Variants in LYPLAL1 observed in about 807,000 individuals in gnomAD.
LYPLAL1 encodes lysophospholipase like 1.
In LYPLAL1, 23 loss-of-function variants were observed where a neutral mutation model predicts 19.7. The ratio of observed to expected loss-of-function variants is 1.17; its 90% CI spans 0.84 to 1.65. The LOEUF (loss-of-function observed/expected upper bound fraction) is 1.65, where lower values mean the gene tolerates loss of function less well. Among genes scored for constraint, LYPLAL1 ranks in the 40% most tolerant of loss-of-function variants. The pLI is 0.00. For missense variants in LYPLAL1, 355 were observed against 279.4 expected (o/e 1.27, Z -1.93); for synonymous variants, 119 against 96.3 (o/e 1.24, Z -1.38).
At chr1:219,353,174 C>T in the LYPLAL1 span, among the ~76,000 whole-genome samples, 1 of 152,138 alleles carries the variant, frequency 6.6e-6, no homozygotes, top group African/African-American at 2.4e-5. Flanking sequence ...GATCCTGGCA[C>T]AGGAAGGAGC....
At chr1:219,356,392 T>G in the LYPLAL1 span, among the ~76,000 whole-genome samples, 30,771 of 151,956 alleles carry the variant, frequency 0.2, 3,663 homozygotes, top group Admixed American at 0.31. Flanking sequence ...CCCAGCTACT[T>G]GGGAGGCTGA....
At chr1:219,379,672 AT>A in the LYPLAL1 span, among the ~76,000 whole-genome samples, 1 of 152,236 alleles carries the variant, frequency 6.6e-6, no homozygotes, top group Admixed American at 6.5e-5. Context: ...GAAAGAAAAA[AT>A]AATAATATTA....
At chr1:219,399,124 G>T in the LYPLAL1 span, among the ~76,000 whole-genome samples, 1 of 152,190 alleles carries the variant, frequency 6.6e-6, no homozygotes, top group Non-Finnish European at 1.5e-5. Flanking sequence ...GCCTCCATGT[G>T]GGTGTTCACC....
At chr1:219,416,268 T>C in the LYPLAL1 span, among the ~76,000 whole-genome samples, 648 of 152,346 alleles carry the variant, frequency 4.3e-3, 7 homozygotes, top group African/African-American at 0.015. Flanking sequence ...TCCTCTTGGT[T>C]GTGACAGTTT....
At chr1:219,331,646 A>G in the LYPLAL1 span, among the ~76,000 whole-genome samples, 2 of 152,166 alleles carry the variant, frequency 1.3e-5, no homozygotes, top group African/African-American at 4.8e-5. Context: ...AGTACACTCC[A>G]CTTCTAGTGG....
the LYPLAL1 span, among the ~76,000 whole-genome samples, chr1:219,266,934 A>G: frequency 6.6e-6 from 1 of 152,176 alleles, no homozygotes; most frequent in African/African-American, 2.4e-5. Context: ...GAGAGTATGT[A>G]GAAGATAAAT....
the LYPLAL1 span, among the ~76,000 whole-genome samples, chr1:219,325,273 G>GTAC: frequency 6.6e-6 from 1 of 152,054 alleles, no homozygotes; most frequent in Non-Finnish European, 1.5e-5. Context: ...ACAAACACTT[G>GTAC]TACTACAAGA....
intron 3 of LYPLAL1, among the ~76,000 whole-genome samples, chr1:219,206,990 T>C (rs1243153927): frequency 6.6e-6 from 1 of 152,086 alleles, no homozygotes; most frequent in East Asian, 1.9e-4. Context: ...TGAAGCTTTT[T>C]TCAATCATTC....
At chr1:219,375,527 A>C in the LYPLAL1 span, among the ~76,000 whole-genome samples, 1 of 150,780 alleles carries the variant, frequency 6.6e-6, no homozygotes, top group Non-Finnish European at 1.5e-5. Flanking sequence ...GAACAAATAG[A>C]AGAAGCTCAA....
chr1:219,262,744 G>A, the LYPLAL1 span, among the ~76,000 whole-genome samples: 1 of 152,212 alleles, frequency 6.6e-6, no homozygotes, highest in Admixed American at 6.5e-5. Flanking sequence ...GGTGGCAGGG[G>A]AGGGAAGTAG....
rs779058404 is a variant in LYPLAL1, at chr1:219,210,576, A to G, written c.406A>G (p.Arg136Gly). Residue 136 changes from arginine (R) to glycine (G), a missense_variant, in exon 4 of 5, where the codon AGA becomes GGA. Transcript: ENST00000366928. ...GGCMAIHLAY[R>G]NHQDVAGVFA... Reference sequence around the variant, plus strand: ...ATGCATGGCAATACATTTAGCATATAGAAATCATCAAGATGTGGCAGGAGT... The same window carrying G: ...ATGCATGGCAATACATTTAGCATATGGAAATCATCAAGATGTGGCAGGAGT... The G allele has an allele frequency of 6.2e-7, 1 of 1,610,294 alleles. No homozygotes were observed. Among genetic ancestry groups the G allele is most frequent in the South Asian group, 1.1e-5 (1 of 90,374 alleles).
At chr1:219,316,026 A>G in the LYPLAL1 span, among the ~76,000 whole-genome samples, 1 of 152,194 alleles carries the variant, frequency 6.6e-6, no homozygotes, top group Non-Finnish European at 1.5e-5. Flanking sequence ...GGACAAACCT[A>G]TCTCAAAGAT....
At chr1:219,438,847 A>G in the LYPLAL1 span, among the ~76,000 whole-genome samples, 7 of 152,342 alleles carry the variant, frequency 4.6e-5, no homozygotes, top group South Asian at 8.3e-4. Context: ...ATATCCATCC[A>G]TCAAAAATGA....
chr1:219,236,774 G>A, the LYPLAL1 span, among the ~76,000 whole-genome samples: 18 of 152,154 alleles, frequency 1.2e-4, no homozygotes, highest in African/African-American at 3.4e-4. Context: ...TTTAACTTCT[G>A]GGGTACATGT....
chr1:219,174,258 C>T (rs973198794), intron 1 of LYPLAL1: 1 of 1,352,220 alleles, frequency 7.4e-7, no homozygotes, highest in Non-Finnish European at 9.5e-7. Flanking sequence ...CCCCACAACA[C>T]ACCTCCCCAT....
At chr1:219,311,131 C>CT in the LYPLAL1 span, among the ~76,000 whole-genome samples, 1 of 150,678 alleles carries the variant, frequency 6.6e-6, no homozygotes, top group Non-Finnish European at 1.5e-5. Flanking sequence ...GTTATCTAGT[C>CT]TAAGAGTTTT....
chr1:219,227,883 G>A, the LYPLAL1 span, among the ~76,000 whole-genome samples: 2 of 152,082 alleles, frequency 1.3e-5, no homozygotes, highest in Non-Finnish European at 2.9e-5. Flanking sequence ...AACTCAAACT[G>A]ACTTAAGCAA....
At chr1:219,256,219 C>T in the LYPLAL1 span, among the ~76,000 whole-genome samples, 4 of 151,834 alleles carry the variant, frequency 2.6e-5, no homozygotes, top group Non-Finnish European at 4.4e-5. Flanking sequence ...ATAACTGATT[C>T]AACTCTTAAC....
chr1:219,255,864 G>A, the LYPLAL1 span, among the ~76,000 whole-genome samples: 3 of 151,294 alleles, frequency 2.0e-5, no homozygotes, highest in African/African-American at 4.8e-5. Context: ...AAATATCCAC[G>A]ATTTTGCTCC....
Sources: allele counts gnomAD v4.1 joint callset (sites outside exome capture counted in the v4.1 genomes callset), GRCh38; gene constraint gnomAD v4.1.1; transcripts MANE v1.5; gene names NCBI Gene and HGNC (gene_info 2026-07-23, HGNC 2026-07-21).